ALDOC: variants seen among roughly 807,000 people sequenced by gnomAD.
ALDOC encodes the protein fructose-bisphosphate aldolase C.
In ALDOC, 23 loss-of-function variants were observed where a neutral mutation model predicts 39.5. The observed-to-expected ratio is 0.58, with a 90% CI of 0.42 to 0.82. The LOEUF (loss-of-function observed/expected upper bound fraction) is 0.82, where lower values mean the gene tolerates loss of function less well. Ranked by LOEUF, ALDOC falls within the 40% of genes least tolerant of loss-of-function variation. ALDOC has a pLI of 0.00. For synonymous variants in ALDOC, 160 were observed against 182.6 expected, an observed-to-expected ratio of 0.88 and a Z score of 1.00; for missense variants, 356 against 479.1, an observed-to-expected ratio of 0.74 and a Z score of 2.40.
chr17:28,575,622 C>T lies in ALDOC; in HGVS notation c.-12-78G>A. On this transcript the variant is annotated intron_variant, in intron 1 of 8. Coordinates refer to ENST00000226253, the MANE Select transcript of ALDOC (RefSeq NM_005165.3). This position sits in a 1 kb window ranked among gnomAD's most constrained non-coding sequence, Gnocchi z 4.3. ...TGGCCAGATGGGCCAAATGGCCTCCCCATCAAGCAAGGGGCTGGGAACAGG... is the reference window on the plus strand; with the variant it reads ...TGGCCAGATGGGCCAAATGGCCTCCTCATCAAGCAAGGGGCTGGGAACAGG... The T allele has an allele frequency of 6.6e-7, 1 of 1,517,470 alleles. No homozygotes were observed. The highest frequency in any genetic ancestry group is 2.4e-5 in the East Asian group (1 of 41,886). 94.0% of individuals were successfully genotyped at this position (1,517,470 alleles called of 1,614,324 possible).
Position 28,575,563 on chromosome 17 carries a change from A to T in ALDOC, c.-12-19T>A. On this transcript the variant is annotated intron_variant, in intron 1 of 8. Coordinates refer to ENST00000226253, the MANE Select transcript of ALDOC (RefSeq NM_005165.3). The surrounding 1 kb of genome is among the most constrained non-coding windows in gnomAD (Gnocchi z 4.3). ...CAGCTCCCTGGAGTGGAGACAAGAT[A>T]AAAAAGCCAGACCTCACCCTCTGCT... 6.2e-7 allele frequency: 1 copy of T among 1,610,490 alleles called. No homozygotes were observed. The highest frequency in any genetic ancestry group is 1.1e-5 in the South Asian group (1 of 90,862).
In ALDOC at chr17:28,575,428, C is replaced by T. The variant is rs955736618; in HGVS notation, c.105G>A (p.Glu35=). Residue 35 remains glutamate, a synonymous_variant, in exon 2 of 9, where the codon GAG becomes GAA. Transcript: ENST00000226253. This position sits in a 1 kb window ranked among gnomAD's most constrained non-coding sequence, Gnocchi z 4.3. The part of the protein sequence containing the change: ...APGKGILAAD[E]SVGSMAKRLS... ...CTACAGATGTCCACTTACCTACAGA[C>T]TCATCCGCAGCCAGAATGCCTTTGC... 1.9e-6 allele frequency: 3 copies of T among 1,614,128 alleles called. No individual in the cohort carries two copies. In the African/African-American group the frequency reaches 4.0e-5, roughly 22 times the overall value.
chr17:28,574,790 C>A lies in ALDOC; in HGVS notation c.446G>T (p.Arg149Leu). Reference protein sequence around the residue: ...KKDGADFAKWRCVLKISERTP... With the variant: ...KKDGADFAKWLCVLKISERTP... The stretch of plus-strand genomic sequence containing the variant: ...ACGCTCACTGATTTTCAGCACACAG[C>A]GCCACTTGGCAAAGTCAGCACCATC... The change falls in exon 5 of 9, where the codon CGC (arginine) becomes CTC (leucine). Residue 149 changes from arginine to leucine, a missense_variant. Arg to Leu is a moderately radical substitution (Grantham distance 102, BLOSUM62 -2). Coordinates refer to ENST00000226253, the MANE Select transcript of ALDOC (RefSeq NM_005165.3). 4 of 1,614,240 alleles carry A rather than the reference C, an allele frequency of 2.5e-6. No homozygotes were observed. Among genetic ancestry groups the A allele is most frequent in the Non-Finnish European group, 3.4e-6 (4 of 1,180,038 alleles).
intron 5 of ALDOC, 26 bp downstream of exon 5, chr17:28,574,670 G>A: frequency 6.2e-7 from 1 of 1,613,918 alleles, no homozygotes; most frequent in Non-Finnish European, 8.5e-7. Flanking sequence ...AGGGCACCTA[G>A]CTCACCACCC....
chr17:28,575,506 A>G lies in ALDOC; in HGVS notation c.27T>C (p.Ser9=), dbSNP rs777773838. 16 of 1,614,088 alleles carry G rather than the reference A, an allele frequency of 9.9e-6. No individual in the cohort carries two copies. Among genetic ancestry groups the G allele is most frequent in the Admixed American group, 6.7e-5 (4 of 60,008 alleles). MPHSYPAL[S]AEQKKELSDI... is the part of the protein sequence containing the mutation. ...CAGACAACTCCTTCTTCTGCTCAGC[A>G]GAAAGGGCTGGGTACGAGTGAGGCA... is the stretch of plus-strand genomic sequence containing the variant. The change falls in exon 2 of 9, where the codon TCT becomes TCC. Residue 9 remains serine (S), a synonymous_variant. Coordinates refer to ENST00000226253, the MANE Select transcript of ALDOC (RefSeq NM_005165.3). The surrounding 1 kb of genome is among the most constrained non-coding windows in gnomAD (Gnocchi z 4.3).
rs1214852662 is a variant in ALDOC, at chr17:28,573,652, G to T, written c.1000-31C>A. On this transcript the variant is annotated intron_variant, in intron 8 of 8. Coordinates refer to ENST00000226253, the MANE Select transcript of ALDOC (RefSeq NM_005165.3). This position sits in a 1 kb window ranked among gnomAD's most constrained non-coding sequence, Gnocchi z 4.3. ...AAAGGGAGCGTGGAGTAAGCAGGCT[G>T]AGCCAGCCCACAGGTGCCAAGCCCT... 6.2e-7 allele frequency: 1 copy of T among 1,613,860 alleles called. No individual in the cohort carries two copies. Among genetic ancestry groups the T allele is most frequent in the Admixed American group, 1.7e-5 (1 of 60,030 alleles).
At chr17:28,576,001 C>A (rs2151517570) in intron 1 of ALDOC, 1 of 1,002,766 alleles carries the variant, frequency 1.0e-6, no homozygotes, top group East Asian at 1.1e-4. Context: ...GTACTTATTG[C>A]CACCCTCTTC....
rs373676715 is a variant in ALDOC at position 28,574,955 on chromosome 17, G to C, written c.376C>G (p.Gln126Glu). The change falls in exon 4 of 9, where the codon CAA becomes GAA. Residue 126 changes from glutamine to glutamate, a missense_variant. Transcript: ENST00000226253. ...CTCAAGCCCACCCATCCTATACCTT[G>C]AGTGGTGGTTTCTCCATCAGTCCCA... The part of the protein sequence containing the change: ...LAGTDGETTT[Q>E]GLDGLSERCA... The C allele has an allele frequency of 4.2e-5, 68 of 1,614,018 alleles. No homozygotes were observed. Among genetic ancestry groups the C allele is most frequent in the Non-Finnish European group, 5.4e-5 (64 of 1,180,046 alleles).
In ALDOC at chr17:28,574,791, G is replaced by A. The variant is rs1288722081; in HGVS notation, c.445C>T (p.Arg149Cys). 3.7e-6 allele frequency: 6 copies of A among 1,614,090 alleles called. No homozygotes were observed. Among genetic ancestry groups the A allele is most frequent in the Admixed American group, 1.7e-5 (1 of 60,014 alleles). Reference sequence around the variant, plus strand: ...CGCTCACTGATTTTCAGCACACAGCGCCACTTGGCAAAGTCAGCACCATCC... The same window carrying A: ...CGCTCACTGATTTTCAGCACACAGCACCACTTGGCAAAGTCAGCACCATCC... ...KKDGADFAKW[R>C]CVLKISERTP... is the part of the protein sequence containing the mutation. The change falls in exon 5 of 9, where the codon CGC becomes TGC. Residue 149 changes from arginine to cysteine, a missense_variant. Transcript: ENST00000226253.
chr17:28,574,091 G>A lies in ALDOC; in HGVS notation c.775C>T (p.Arg259Cys), dbSNP rs753375307. The A allele has an allele frequency of 3.7e-6, 6 of 1,600,570 alleles. No individual in the cohort carries two copies. Among genetic ancestry groups the A allele is most frequent in the Admixed American group, 1.7e-5 (1 of 59,032 alleles). The part of the protein sequence containing the change: ...IAMATVTALR[R>C]TVPPAVPGVT... ...CCTGGGACAGCTGGGGGCACAGTGC[G>A]ACGCAGGGCAGTGACAGTTGCCATG... The change falls in exon 7 of 9, where the codon CGC becomes TGC. Residue 259 changes from arginine (R) to cysteine (C), a missense_variant. Arg to Cys is a radical substitution (Grantham distance 180, BLOSUM62 -3). Transcript: ENST00000226253.
rs1016433018 is a variant in ALDOC, at chr17:28,573,557, T to C, written c.1064A>G (p.Gln355Arg). Reference sequence around the variant, plus strand: ...GGCATGGTTGGCAATGTAGAGTGACTGTGCTGCTGCTCCACCATCTTCTCC... The same window carrying C: ...GGCATGGTTGGCAATGTAGAGTGACCGTGCTGCTGCTCCACCATCTTCTCC... ...GSGEDGGAAA[Q>R]SLYIANHAY The change falls in exon 9 of 9, where the codon CAG becomes CGG. Residue 355 changes from glutamine to arginine, a missense_variant. By Grantham distance (43) the Gln-to-Arg change is conservative. Transcript: ENST00000226253. The surrounding 1 kb of genome is among the most constrained non-coding windows in gnomAD (Gnocchi z 4.3). 1.2e-6 allele frequency: 2 copies of C among 1,614,106 alleles called. No homozygotes were observed. The highest frequency in any genetic ancestry group is 2.7e-5 in the African/African-American group (2 of 74,942).
chr17:28,573,552 G>A lies in ALDOC; in HGVS notation c.1069C>T (p.Leu357Phe), dbSNP rs776348298. ...GEDGGAAAQS[L>F]YIANHAY is the part of the protein sequence containing the mutation. ...CAGTAGGCATGGTTGGCAATGTAGAGTGACTGTGCTGCTGCTCCACCATCT... is the reference window on the plus strand; with the variant it reads ...CAGTAGGCATGGTTGGCAATGTAGAATGACTGTGCTGCTGCTCCACCATCT... The change falls in exon 9 of 9, where the codon CTC (leucine) becomes TTC (phenylalanine). Residue 357 changes from leucine to phenylalanine, a missense_variant. Leu to Phe is a conservative substitution (Grantham distance 22). Transcript: ENST00000226253. This position sits in a 1 kb window ranked among gnomAD's most constrained non-coding sequence, Gnocchi z 4.3. 6.2e-7 allele frequency: 1 copy of A among 1,614,238 alleles called. No individual in the cohort carries two copies. Among genetic ancestry groups the A allele is most frequent in the Non-Finnish European group, 8.5e-7 (1 of 1,180,040 alleles).
intron 5 of ALDOC, 33 bp from the exon 6 acceptor site, chr17:28,574,610 C>A (rs2070464671): frequency 6.2e-7 from 1 of 1,613,816 alleles, no homozygotes; most frequent in East Asian, 2.2e-5. Flanking sequence ...TTGGGAGGGG[C>A]AGTAGGGGAG....
chr17:28,574,281 C>A, intron 6 of ALDOC, 40 bp from the exon 7 acceptor site: 1 of 1,561,164 alleles, frequency 6.4e-7, no homozygotes, highest in African/African-American at 1.4e-5. Context: ...GGGTCTGGGC[C>A]CCCACTGGTT....
In ALDOC at chr17:28,574,690, A is replaced by G; in HGVS notation, c.540+6T>C. The G allele has an allele frequency of 3.1e-6, 5 of 1,614,116 alleles. No individual in the cohort carries two copies. The highest frequency in any genetic ancestry group is 1.3e-5 in the African/African-American group (1 of 75,030). ...ACCTAGCTCACCACCCTCCCAACAC[A>G]CACACCTGCTGGCAGATACTGGCAT... is the stretch of plus-strand genomic sequence containing the variant. On this transcript the variant is annotated splice_donor_region_variant and intron_variant, in intron 5 of 8. Coordinates refer to ENST00000226253, the MANE Select transcript of ALDOC (RefSeq NM_005165.3).
rs2070479718 is a variant in ALDOC, at chr17:28,575,611, A to G, written c.-12-67T>C. Reference sequence around the variant, plus strand: ...GCTGCCTCTCCTGGCCAGATGGGCCAAATGGCCTCCCCATCAAGCAAGGGG... The same window carrying G: ...GCTGCCTCTCCTGGCCAGATGGGCCGAATGGCCTCCCCATCAAGCAAGGGG... On this transcript the variant is annotated intron_variant, in intron 1 of 8. Coordinates refer to ENST00000226253, the MANE Select transcript of ALDOC (RefSeq NM_005165.3). The surrounding 1 kb of genome is among the most constrained non-coding windows in gnomAD (Gnocchi z 4.3). 6.5e-7 allele frequency: 1 copy of G among 1,542,422 alleles called. No individual in the cohort carries two copies.
rs149037077 is a variant in ALDOC, at chr17:28,574,835, C to T, written c.401G>A (p.Arg134His). 1.6e-4 allele frequency: 264 copies of T among 1,614,226 alleles called. 2 individuals are homozygous for T. The East Asian group carries it at 4.2e-3, about 26-fold the overall frequency. The change falls in exon 5 of 9, where the codon CGC (arginine) becomes CAC (histidine). Residue 134 changes from arginine to histidine, a missense_variant. By Grantham distance (29) the Arg-to-His change is conservative. Coordinates refer to ENST00000226253, the MANE Select transcript of ALDOC (RefSeq NM_005165.3). Reference protein sequence around the residue: ...TTQGLDGLSERCAQYKKDGAD... With the variant: ...TTQGLDGLSEHCAQYKKDGAD... ...ACCATCCTTCTTGTATTGGGCACAG[C>T]GTTCTGAGAGCCCATCCAGCCCTGC...
rs762564009 is a variant in ALDOC, at chr17:28,574,500, T to C, written c.618A>G (p.Thr206=). The C allele has an allele frequency of 1.2e-6, 2 of 1,614,118 alleles. No homozygotes were observed. The highest frequency in any genetic ancestry group is 2.2e-5 in the East Asian group (1 of 44,880). The change falls in exon 6 of 9, where the codon ACA becomes ACG. Residue 206 remains threonine (T), a synonymous_variant. Coordinates refer to ENST00000226253, the MANE Select transcript of ALDOC (RefSeq NM_005165.3). ...TGCCCAGGTGTGGACTCACCTTCTC[T>C]GTAACATACTGACAACGTTTGAGGT... ...DHDLKRCQYV[T]EKVLAAVYKA...
intron 1 of ALDOC, chr17:28,576,161 G>T: frequency 4.5e-6 from 1 of 221,308 alleles, no homozygotes; most frequent in Non-Finnish European, 7.6e-6. Flanking sequence ...ACCAGAGGTT[G>T]GCCCCAGTGG....
Sources: allele counts gnomAD v4.1 joint callset, GRCh38; gene constraint gnomAD v4.1.1; non-coding constraint Gnocchi (gnomAD v3.1); transcripts MANE v1.5; gene names NCBI Gene and HGNC (gene_info 2026-07-23, HGNC 2026-07-21).